The following NDE1 variants were observed in gnomAD, a reference collection of about 807,000 sequenced individuals.
The protein encoded by NDE1 is nuclear distribution protein nudE homolog 1.
A neutral mutation model predicts 43.4 loss-of-function variants in NDE1; 28 were observed. That is an observed-to-expected ratio of 0.65 (90% confidence interval 0.48 to 0.89). The LOEUF is 0.89. Among genes scored for constraint, NDE1 ranks in the 40% least tolerant of loss-of-function variants. The pLI is 0.00. For synonymous variants in NDE1, 184 were observed against 172.0 expected (o/e 1.07, Z -0.55); for missense variants, 441 against 434.1 (o/e 1.02, Z -0.14).
rs200391659 is a variant in NDE1 at position 15,724,291 on chromosome 16, G to A, written c.*40G>A. On this transcript the variant is annotated 3_prime_UTR_variant, in exon 9 of 9. Coordinates refer to ENST00000396354, the MANE Select transcript of NDE1 (RefSeq NM_017668.3). ...CTTTTCCAGTTTATCATAAGCGGCC[G>A]CCTTCTCCTCGTACTGCTGGGTGAG... 2.2e-5 allele frequency: 35 copies of A among 1,614,012 alleles called. No homozygotes were observed. Among genetic ancestry groups the A allele is most frequent in the African/African-American group, 1.2e-4 (9 of 74,890 alleles).
intron 4 of NDE1, chr16:15,686,270 C>A (rs1178027223): frequency 2.6e-5 from 19 of 732,168 alleles, no homozygotes; most frequent in Non-Finnish European, 3.0e-5. Context: ...CTTCTTGCCA[C>A]CCCTTCCCCA....
chr16:15,690,417 G>C (rs960264202), intron 5 of NDE1, among the ~76,000 whole-genome samples: 3 of 127,282 alleles, frequency 2.4e-5, no homozygotes, highest in Non-Finnish European at 4.7e-5. Flanking sequence ...GGCTGAAGTG[G>C]TATGATCATG....
chr16:15,725,700 G>A lies in NDE1; in HGVS notation c.*1449G>A, dbSNP rs1036709866. 2.5e-5 allele frequency: 10 copies of A among 398,704 alleles called. No individual in the cohort carries two copies. The highest frequency in any genetic ancestry group is 1.6e-4 in the African/African-American group (8 of 48,594). The allele number at this position is 398,704 out of a possible 1,614,324, so 24.7% of individuals were successfully genotyped here. ...AAACATCTCACTTAATTCTTCCCTC[G>A]CCCCTTGGTCCCTGGCTGTGGACAT... On this transcript the variant is annotated 3_prime_UTR_variant, in exon 9 of 9. Transcript: ENST00000396354.
At position 15,724,614 on chromosome 16, in the gene NDE1, C is replaced by T. The variant is rs1246329356; in HGVS notation, c.*363C>T. ...TCTCAGCGCAGAGAAGTTGAGAGGA[C>T]CCATGAAGGAAGCAAGGACACGGGG... is the stretch of plus-strand genomic sequence containing the variant. On this transcript the variant is annotated 3_prime_UTR_variant, in exon 9 of 9. Transcript: ENST00000396354. 3 of 1,613,228 alleles carry T rather than the reference C, an allele frequency of 1.9e-6. No homozygotes were observed. In the Admixed American group the frequency reaches 5.0e-5, roughly 27 times the overall value.
intron 7 of NDE1, chr16:15,694,832 T>C: frequency 1.0e-6 from 1 of 985,242 alleles, no homozygotes; most frequent in Non-Finnish European, 1.2e-6. Context: ...GAAATTAGGG[T>C]GATATGTGTG....
intron 8 of NDE1, among the ~76,000 whole-genome samples, chr16:15,722,435 T>C (rs1381565796): frequency 6.6e-6 from 1 of 152,142 alleles, no homozygotes; most frequent in African/African-American, 2.4e-5. Context: ...GATTATAAAT[T>C]GTAACATCCA....
upstream of NDE1, among the ~76,000 whole-genome samples, chr16:15,647,926 C>T (rs1054410094): frequency 6.6e-6 from 1 of 151,014 alleles, no homozygotes; most frequent in Admixed American, 6.6e-5. Flanking sequence ...CTAGCTACTC[C>T]GGAGGATGAG....
At chr16:15,718,570 G>T in intron 8 of NDE1, 2 of 1,335,648 alleles carry the variant, frequency 1.5e-6, no homozygotes, top group South Asian at 2.9e-5. Flanking sequence ...GAGAAGATTA[G>T]AAGACTCATC....
At chr16:15,703,968 G>A (rs1179887800) in intron 8 of NDE1, 1 of 1,613,562 alleles carries the variant, frequency 6.2e-7, no homozygotes, top group Non-Finnish European at 8.5e-7. Flanking sequence ...TTCTTGCCGT[G>A]GTGCAAAACT....
intron 4 of NDE1, among the ~76,000 whole-genome samples, chr16:15,681,715 T>G (rs2038192868): frequency 6.6e-6 from 1 of 152,208 alleles, no homozygotes; most frequent in African/African-American, 2.4e-5. Flanking sequence ...ACAGAGTTAC[T>G]GATTTGTTTT....
chr16:15,703,890 C>T, intron 8 of NDE1: 1 of 1,473,914 alleles, frequency 6.8e-7, no homozygotes, highest in Non-Finnish European at 9.5e-7. Flanking sequence ...TAAGTACAGT[C>T]TGCTGGGTTT....
chr16:15,658,143 T>C (rs930180671), intron 1 of NDE1, among the ~76,000 whole-genome samples: 2 of 152,180 alleles, frequency 1.3e-5, no homozygotes, highest in Admixed American at 1.3e-4. Context: ...GGCTCTCCCT[T>C]GTGATAGCAA....
At chr16:15,694,023 A>T in intron 6 of NDE1, 142 bp from the exon 7 acceptor site, 1 of 989,048 alleles carries the variant, frequency 1.0e-6, no homozygotes, top group Non-Finnish European at 1.5e-6. Flanking sequence ...GCGGTTAACT[A>T]CGGAAAGAAA....
At position 15,657,591 on chromosome 16, in the gene NDE1, A is replaced by AC. The variant is rs200819870; in HGVS notation, c.-43-7140dup. Among the ~76,000 whole-genome samples the AC allele has an allele frequency of 6.7e-3, 1,020 of 151,282 alleles. 9 individuals carry two copies. Among genetic ancestry groups the AC allele is most frequent in the African/African-American group, 0.023 (960 of 41,148 alleles). On this transcript the variant is annotated intron_variant, in intron 1 of 8. Transcript: ENST00000396354. ...TGTTAATGACTGCTATTAACACTCT[A>AC]CCCCCTTTTTATTTTTTTGAGATGG...
intron 1 of NDE1, among the ~76,000 whole-genome samples, chr16:15,653,564 C>G (rs1955438612): frequency 6.6e-6 from 1 of 152,006 alleles, no homozygotes; most frequent in Admixed American, 6.6e-5. Flanking sequence ...GTTTATTGCT[C>G]CTGACTAGCA....
In NDE1 at chr16:15,724,839, G is replaced by A. The variant is rs753178827; in HGVS notation, c.*588G>A. ...CAAAGAGGTCCCAGGGACCTGCCCCGAGGAAGGCCACCCCCCAGGTCCCCT... is the reference window on the plus strand; with the variant it reads ...CAAAGAGGTCCCAGGGACCTGCCCCAAGGAAGGCCACCCCCCAGGTCCCCT... On this transcript the variant is annotated 3_prime_UTR_variant, in exon 9 of 9. Transcript: ENST00000396354. 29 of 1,613,478 alleles carry A rather than the reference G, an allele frequency of 1.8e-5. No homozygotes were observed. Among genetic ancestry groups the A allele is most frequent in the South Asian group, 6.6e-5 (6 of 91,088 alleles).
At chr16:15,716,828 ATC>A (rs1465546500) in intron 8 of NDE1, among the ~76,000 whole-genome samples, 3 of 152,048 alleles carry the variant, frequency 2.0e-5, no homozygotes, top group South Asian at 4.2e-4. Context: ...TGGATTTTTG[ATC>A]TGTCAGCATG....
chr16:15,714,934 C>A, intron 8 of NDE1: 1 of 1,614,074 alleles, frequency 6.2e-7, no homozygotes, highest in South Asian at 1.1e-5. Flanking sequence ...AGTGCGTTCA[C>A]CTCGCGGCCC....
intron 8 of NDE1, chr16:15,720,094 C>T: frequency 6.2e-6 from 10 of 1,611,052 alleles, no homozygotes; most frequent in Non-Finnish European, 8.5e-6. Flanking sequence ...ACTTCGGTGG[C>T]CTGAGGGGAA....
Sources: allele counts gnomAD v4.1 joint callset (sites outside exome capture counted in the v4.1 genomes callset), GRCh38; gene constraint gnomAD v4.1.1; transcripts MANE v1.5; gene names NCBI Gene and HGNC (gene_info 2026-07-23, HGNC 2026-07-21).